Variants in FOXP1 observed in about 807,000 individuals in gnomAD.
FOXP1 encodes forkhead box protein P1.
In FOXP1, 15 loss-of-function variants were observed where a neutral mutation model predicts 98.2. The observed-to-expected ratio is 0.15, with a 90% CI of 0.10 to 0.24. The LOEUF is 0.24. Among genes scored for constraint, FOXP1 ranks in the 10% least tolerant of loss-of-function variants. The pLI, the probability that FOXP1 is intolerant of heterozygous loss-of-function variation, is 1.00. For missense variants in FOXP1, 633 were observed against 848.5 expected (o/e 0.75, Z 3.15); for synonymous variants, 371 against 314.5 (o/e 1.18, Z -1.90).
At chr3:71,443,721 G>C (rs138141154) in intron 3 of FOXP1, among the ~76,000 whole-genome samples, 8 of 152,286 alleles carry the variant, frequency 5.3e-5, no homozygotes, top group African/African-American at 1.7e-4. Flanking sequence ...AAAGAAGGGA[G>C]CTGAGTCTCA....
rs143202281 is a variant in FOXP1, at chr3:70,955,832, GCACACA to G, written c.*3409_*3414del. On this transcript the variant is annotated 3_prime_UTR_variant, in exon 21 of 21. Transcript: ENST00000649528. ...AACAGATTAACACACACGCACGCGC[GCACACA>G]CACACACACACACACACAAAACCTG... 5.1e-4 allele frequency: 113 copies of G among 221,612 alleles called. No homozygotes were observed. The highest frequency in any genetic ancestry group is 3.4e-3 in the East Asian group (54 of 16,066). The allele number at this position is 221,612 out of a possible 1,614,324, so 13.7% of individuals were successfully genotyped here.
intron 6 of FOXP1, among the ~76,000 whole-genome samples, chr3:71,122,351 G>C (rs559260111): frequency 6.6e-6 from 1 of 152,244 alleles, no homozygotes; most frequent in Admixed American, 6.5e-5. Flanking sequence ...AAACAGAAAT[G>C]GGAATATAGG....
intron 5 of FOXP1, among the ~76,000 whole-genome samples, chr3:71,204,639 T>C (rs529040472): frequency 6.6e-6 from 1 of 152,210 alleles, no homozygotes; most frequent in South Asian, 2.1e-4. Flanking sequence ...AGGCACTGAC[T>C]GGTGGAGGGG....
chr3:71,509,036 G>A (rs2042016835), intron 2 of FOXP1, among the ~76,000 whole-genome samples: 1 of 152,206 alleles, frequency 6.6e-6, no homozygotes, highest in South Asian at 2.1e-4. Context: ...GGCATTTTCT[G>A]ATACAGCTCC....
intron 3 of FOXP1, among the ~76,000 whole-genome samples, chr3:71,377,650 T>A (rs2079823056): frequency 6.6e-6 from 1 of 152,188 alleles, no homozygotes; most frequent in South Asian, 2.1e-4. Context: ...ACTATCACAC[T>A]TCAGAACATA....
intron 4 of FOXP1, among the ~76,000 whole-genome samples, chr3:71,318,786 A>T (rs1157334976): frequency 6.6e-6 from 1 of 152,236 alleles, no homozygotes; most frequent in Non-Finnish European, 1.5e-5. Context: ...AGATAACTTA[A>T]AGATAAACTA....
intron 7 of FOXP1, among the ~76,000 whole-genome samples, chr3:71,109,028 C>T (rs759321797): frequency 4.6e-5 from 7 of 152,180 alleles, no homozygotes; most frequent in Admixed American, 1.3e-4. Flanking sequence ...AAAAAATTTG[C>T]GAAGCAAATG....
intron 5 of FOXP1, among the ~76,000 whole-genome samples, chr3:71,251,735 T>C (rs1295609244): frequency 6.6e-6 from 1 of 152,214 alleles, no homozygotes; most frequent in Non-Finnish European, 1.5e-5. Flanking sequence ...ACTGTCTTGA[T>C]ACCAAGAAAT....
chr3:71,221,488 C>G (rs979047954), intron 5 of FOXP1, among the ~76,000 whole-genome samples: 4 of 152,144 alleles, frequency 2.6e-5, no homozygotes, highest in African/African-American at 7.2e-5. Flanking sequence ...CATCCAACAT[C>G]AAATACCTTC....
At chr3:71,478,369 A>G (rs1456879016) in intron 3 of FOXP1, among the ~76,000 whole-genome samples, 5 of 152,228 alleles carry the variant, frequency 3.3e-5, no homozygotes, top group African/African-American at 1.2e-4. Flanking sequence ...CATGTGAAGA[A>G]TATGAATAAA....
intron 3 of FOXP1, among the ~76,000 whole-genome samples, chr3:71,369,020 C>A: frequency 6.6e-6 from 1 of 152,144 alleles, no homozygotes. Context: ...AGATCTACCT[C>A]AAATAAATAC....
rs974752816 is a variant in FOXP1 at position 71,534,191 on chromosome 3, C to T, written c.-297-40636G>A. ...CCAGCCTGGCCAACACAGTGAAACC[C>T]TGTCTCTACTAAAAATACAAAATTA... On this transcript the variant is annotated intron_variant, in intron 2 of 20. Transcript: ENST00000649528. Among the ~76,000 whole-genome samples, 150 of 152,144 alleles carry T rather than the reference C, an allele frequency of 9.9e-4. 4 individuals carry two copies. The highest frequency in any genetic ancestry group is 3.5e-4 in the Non-Finnish European group (24 of 68,014).
chr3:71,275,905 ATT>A (rs2070835716), intron 5 of FOXP1, among the ~76,000 whole-genome samples: 1 of 152,054 alleles, frequency 6.6e-6, no homozygotes, highest in East Asian at 1.9e-4. Context: ...ATCCTGCAGC[ATT>A]CTTTTAGCCT....
chr3:71,111,701 A>C (rs1239443017), intron 7 of FOXP1, among the ~76,000 whole-genome samples: 1 of 152,116 alleles, frequency 6.6e-6, no homozygotes, highest in African/African-American at 2.4e-5. Flanking sequence ...GCCTGGCCCC[A>C]AATTAGATTT....
chr3:71,171,097 A>ATTTT (rs2061630866), intron 6 of FOXP1, among the ~76,000 whole-genome samples: 1 of 72,444 alleles, frequency 1.4e-5, no homozygotes, highest in African/African-American at 3.3e-5. Context: ...ATACACACTC[A>ATTTT]CTTTTTTTTT....
intron 7 of FOXP1, among the ~76,000 whole-genome samples, chr3:71,071,366 T>G (rs935485013): frequency 9.2e-5 from 14 of 152,202 alleles, no homozygotes; most frequent in African/African-American, 3.4e-4. Context: ...TACAGGCCGC[T>G]GAAGCGGTCA....
At chr3:71,302,292 G>A (rs534810858) in intron 4 of FOXP1, among the ~76,000 whole-genome samples, 2 of 152,178 alleles carry the variant, frequency 1.3e-5, no homozygotes, top group Admixed American at 6.5e-5. Context: ...ACTGGGGCCC[G>A]AGTCTGCCTC....
At chr3:71,285,388 T>A (rs1196524415) in intron 5 of FOXP1, among the ~76,000 whole-genome samples, 1 of 152,170 alleles carries the variant, frequency 6.6e-6, no homozygotes, top group Non-Finnish European at 1.5e-5. Context: ...ATTCTAACTT[T>A]ATACATATCT....
At chr3:71,269,663 G>T (rs923873258) in intron 5 of FOXP1, among the ~76,000 whole-genome samples, 31 of 152,280 alleles carry the variant, frequency 2.0e-4, no homozygotes, top group African/African-American at 7.2e-4. Flanking sequence ...GGCCACTAGG[G>T]ATAATTAAAA....
Sources: allele counts gnomAD v4.1 joint callset (sites outside exome capture counted in the v4.1 genomes callset), GRCh38; gene constraint gnomAD v4.1.1; transcripts MANE v1.5; gene names NCBI Gene and HGNC (gene_info 2026-07-23, HGNC 2026-07-21).